The following KCNMA1 variants were observed in gnomAD, a reference collection of about 807,000 sequenced individuals.
The protein encoded by KCNMA1 is Calcium-activated potassium channel subunit alpha-1.
A neutral mutation model predicts 140.0 loss-of-function variants in KCNMA1; 29 were observed. That is an observed-to-expected ratio of 0.21 (90% confidence interval 0.15 to 0.28). KCNMA1 has a LOEUF of 0.28. Ranked by LOEUF, KCNMA1 falls within the 10% of genes least tolerant of loss-of-function variation. KCNMA1 has a pLI of 1.00. For synonymous variants in KCNMA1, 612 were observed against 611.9 expected (o/e 1.00, Z 0.00); for missense variants, 880 against 1,602.2 (o/e 0.55, Z 7.70).
chr10:76,905,702 G>C (rs1168178464), intron 25 of KCNMA1, among the ~76,000 whole-genome samples: 1 of 152,012 alleles, frequency 6.6e-6, no homozygotes, highest in East Asian at 1.9e-4. Flanking sequence ...GGTAAAACAG[G>C]TCTCCACACC....
At chr10:77,402,389 G>C (rs74948178) in intron 2 of KCNMA1, among the ~76,000 whole-genome samples, 2,180 of 152,196 alleles carry the variant, frequency 0.014, 60 homozygotes, top group African/African-American at 0.048. Context: ...AGCAGCCACT[G>C]ACCTCACCAG....
At chr10:77,321,108 T>C (rs1013030342) in intron 2 of KCNMA1, among the ~76,000 whole-genome samples, 1 of 152,244 alleles carries the variant, frequency 6.6e-6, no homozygotes, top group African/African-American at 2.4e-5. Flanking sequence ...AAGATGTTTA[T>C]ATTTAATCAA....
intron 1 of KCNMA1, among the ~76,000 whole-genome samples, chr10:77,577,208 G>A (rs753835554): frequency 5.3e-5 from 8 of 151,542 alleles, no homozygotes; most frequent in South Asian, 2.1e-4. Context: ...CACCATGCCC[G>A]GCTAATTTTT....
At chr10:77,229,188 A>G (rs1221650289) in intron 3 of KCNMA1, among the ~76,000 whole-genome samples, 2 of 152,060 alleles carry the variant, frequency 1.3e-5, no homozygotes, top group African/African-American at 4.8e-5. Flanking sequence ...CCACCTGGGA[A>G]TCTCTAGTTC....
intron 1 of KCNMA1, among the ~76,000 whole-genome samples, chr10:77,536,073 G>T (rs530245508): frequency 1.3e-5 from 2 of 152,352 alleles, no homozygotes; most frequent in Non-Finnish European, 2.9e-5. Context: ...AATGATAAAT[G>T]TTTGAGGTGA....
chr10:77,338,038 T>C (rs1415978271), intron 2 of KCNMA1, among the ~76,000 whole-genome samples: 1 of 152,176 alleles, frequency 6.6e-6, no homozygotes, highest in African/African-American at 2.4e-5. Flanking sequence ...TGGGGGCCAT[T>C]TGTTATTGGC....
At chr10:77,551,288 T>C (rs2154557011) in intron 1 of KCNMA1, among the ~76,000 whole-genome samples, 1 of 152,310 alleles carries the variant, frequency 6.6e-6, no homozygotes, top group East Asian at 1.9e-4. Context: ...CCTTCATTCT[T>C]CTCTCTCCCT....
At chr10:77,215,979 G>C (rs771061864) in intron 3 of KCNMA1, among the ~76,000 whole-genome samples, 3 of 151,950 alleles carry the variant, frequency 2.0e-5, no homozygotes, top group Non-Finnish European at 4.4e-5. Context: ...CCCTGGAAGA[G>C]AGCCCTCACC....
chr10:76,941,450 G>A (rs2062374559), intron 23 of KCNMA1, among the ~76,000 whole-genome samples: 1 of 152,202 alleles, frequency 6.6e-6, no homozygotes, highest in South Asian at 2.1e-4. Context: ...TCTGCAGCCA[G>A]AGGTGAGCTC....
chr10:77,251,437 A>G (rs1318626973), intron 2 of KCNMA1, among the ~76,000 whole-genome samples, 181 bp from the exon 3 acceptor site: 2 of 152,140 alleles, frequency 1.3e-5, no homozygotes, highest in African/African-American at 4.8e-5. Context: ...TCATACAGCA[A>G]TGGGCAGCAA....
At chr10:77,161,299 G>T (rs2098551578) in intron 5 of KCNMA1, among the ~76,000 whole-genome samples, 1 of 152,158 alleles carries the variant, frequency 6.6e-6, no homozygotes, top group African/African-American at 2.4e-5. Context: ...CCAGGCTGGG[G>T]TACAGCGGCA....
At chr10:77,207,649 C>T (rs1490713014) in intron 3 of KCNMA1, among the ~76,000 whole-genome samples, 1 of 152,180 alleles carries the variant, frequency 6.6e-6, no homozygotes, top group Non-Finnish European at 1.5e-5. Context: ...GAGTGAACGG[C>T]TGCTACTGGT....
At position 77,441,560 on chromosome 10, in the gene KCNMA1, C is replaced by A. The variant is rs191552170; in HGVS notation, c.379-37537G>T. 1.4e-4 allele frequency among the ~76,000 whole-genome samples: 21 copies of A among 152,184 alleles called. No individual in the cohort carries two copies. In the East Asian group the frequency reaches 4.1e-3, roughly 29 times the overall value. On this transcript the variant is annotated intron_variant, in intron 1 of 27. Coordinates refer to ENST00000286628, the MANE Select transcript of KCNMA1 (RefSeq NM_001161352.2). ...AAGTAAATATGATCCAAAGTCCCCCCACCCCCTCGCAGGGTTATATCCAGA... is the reference window on the plus strand; with the variant it reads ...AAGTAAATATGATCCAAAGTCCCCCAACCCCCTCGCAGGGTTATATCCAGA...
intron 2 of KCNMA1, among the ~76,000 whole-genome samples, chr10:77,366,560 A>C (rs1422349933): frequency 6.6e-6 from 1 of 152,172 alleles, no homozygotes; most frequent in Non-Finnish European, 1.5e-5. Context: ...TAAGAGATTG[A>C]GATGATGATG....
At chr10:77,583,197 T>C (rs2076341334) in intron 1 of KCNMA1, among the ~76,000 whole-genome samples, 1 of 152,230 alleles carries the variant, frequency 6.6e-6, no homozygotes, top group Admixed American at 6.5e-5. Flanking sequence ...ACCTTGCTTC[T>C]GCTCCTTGGA....
intron 15 of KCNMA1, 110 bp downstream of exon 15, chr10:77,039,418 G>A (rs563926551): frequency 7.3e-5 from 54 of 741,216 alleles, no homozygotes; most frequent in South Asian, 5.9e-4. Context: ...GGATACCCTC[G>A]GCAATTGTCA....
intron 14 of KCNMA1, among the ~76,000 whole-genome samples, chr10:77,063,323 G>C (rs891448978): frequency 6.6e-5 from 10 of 152,072 alleles, no homozygotes; most frequent in Non-Finnish European, 1.2e-4. Context: ...TGAGGCAGCA[G>C]AATCACTTGA....
intron 12 of KCNMA1, among the ~76,000 whole-genome samples, chr10:77,082,002 CTTTTCTTTTT>C (rs1163029564): frequency 0.029 from 1,441 of 50,396 alleles, 1 homozygote; most frequent in Middle Eastern, 0.069. Context: ...TTCTTTTTTT[CTTTTCTTTTT>C]TTTTTTTTTT....
chr10:77,100,747 G>A (rs1436496389), intron 9 of KCNMA1, among the ~76,000 whole-genome samples: 1 of 152,156 alleles, frequency 6.6e-6, no homozygotes, highest in Non-Finnish European at 1.5e-5. Context: ...CTGGATGGCT[G>A]CAATTGTTCC....
Sources: allele counts gnomAD v4.1 joint callset (sites outside exome capture counted in the v4.1 genomes callset), GRCh38; gene constraint gnomAD v4.1.1; transcripts MANE v1.5; gene names NCBI Gene and HGNC (gene_info 2026-07-23, HGNC 2026-07-21).